Variants in CDH7 observed in about 807,000 individuals in gnomAD.
CDH7 encodes cadherin-7.
Under a neutral mutation model 71.8 loss-of-function variants are expected in CDH7, and 25 were observed. The ratio of observed to expected loss-of-function variants is 0.35; its 90% CI spans 0.25 to 0.49. The LOEUF is 0.49. Among genes scored for constraint, CDH7 ranks in the 20% least tolerant of loss-of-function variants. The probability of loss-of-function intolerance (pLI) is 0.99; values close to 1 mark genes in which losing one functional copy is unlikely to be tolerated. For synonymous variants in CDH7, 381 were observed against 363.8 expected (o/e 1.05, Z -0.54); for missense variants, 862 against 974.6 (o/e 0.88, Z 1.54).
intron 2 of CDH7, among the ~76,000 whole-genome samples, chr18:65,776,198 G>T (rs1237574847): frequency 6.6e-6 from 1 of 151,842 alleles, no homozygotes; most frequent in Non-Finnish European, 1.5e-5. Flanking sequence ...CATTACCTGG[G>T]ACCACAGGTG....
rs1491448662 is a variant in CDH7, at chr18:65,782,010, CTT to C, written c.210+18960_210+18961del. 1.4e-4 allele frequency among the ~76,000 whole-genome samples: 13 copies of C among 93,238 alleles called. 1 individual carries two copies. The highest frequency in any genetic ancestry group is 8.9e-4 in the African/African-American group (12 of 13,550). The allele number at this position is 93,238 out of a possible 152,430, so 61.2% of individuals were successfully genotyped here. ...TCTTTCTCTCTTTCTCTCTTTCTCTCTTTCTCTCTCTCTTTCTCCCTTCCTTC... is the reference window on the plus strand; with the variant it reads ...TCTTTCTCTCTTTCTCTCTTTCTCTCTCTCTCTCTCTTTCTCCCTTCCTTC... On this transcript the variant is annotated intron_variant, in intron 2 of 11. Transcript: ENST00000397968.
chr18:65,854,313 A>AATAC (rs1336911066), intron 7 of CDH7, among the ~76,000 whole-genome samples: 2 of 151,190 alleles, frequency 1.3e-5, no homozygotes, highest in African/African-American at 4.9e-5. Context: ...TAAATAAATA[A>AATAC]ATATATCTAC....
intron 2 of CDH7, among the ~76,000 whole-genome samples, chr18:65,768,794 T>C (rs1434415763): frequency 6.6e-6 from 1 of 152,180 alleles, no homozygotes; most frequent in East Asian, 1.9e-4. Context: ...CATCGTTTTG[T>C]ATGATTTATA....
chr18:65,784,113 A>ATTTTTTTTTTTTTTTTTTTTTT (rs72393865), intron 2 of CDH7, among the ~76,000 whole-genome samples: 1 of 106,812 alleles, frequency 9.4e-6, no homozygotes, highest in Non-Finnish European at 1.8e-5. Flanking sequence ...ACCCACAGCT[A>ATTTTTTTTTTTTTTTTTTTTTT]TTTTTTTTTT....
chr18:65,819,431 G>A (rs1414193502), intron 4 of CDH7, among the ~76,000 whole-genome samples: 1 of 152,084 alleles, frequency 6.6e-6, no homozygotes, highest in Non-Finnish European at 1.5e-5. Context: ...ATTCTTTCTT[G>A]GGCAAAGCCA....
chr18:65,806,807 A>G (rs142714790), intron 2 of CDH7, among the ~76,000 whole-genome samples: 1 of 152,280 alleles, frequency 6.6e-6, no homozygotes, highest in African/African-American at 2.4e-5. Flanking sequence ...GTTTTTTACT[A>G]AGAGTGTGGA....
chr18:65,859,800 C>T lies in CDH7; in HGVS notation c.1587C>T (p.His529=). The T allele has an allele frequency of 1.2e-6, 2 of 1,600,592 alleles. No individual in the cohort carries two copies. Among genetic ancestry groups the T allele is most frequent in the Non-Finnish European group, 1.7e-6 (2 of 1,167,880 alleles). Residue 529 remains histidine (H), a synonymous_variant, in exon 10 of 12, where the codon CAC becomes CAT. Transcript: ENST00000397968. ...TAACAACGGATGCAACAAATAACCA[C>T]AACTTTTCATTGAAAGATAACAAAG... ...FSLTTDATNN[H]NFSLKDNKDN... is the part of the protein sequence containing the mutation.
chr18:65,861,993 T>C (rs1160738338), intron 10 of CDH7, among the ~76,000 whole-genome samples: 1 of 152,142 alleles, frequency 6.6e-6, no homozygotes, highest in Admixed American at 6.5e-5. Context: ...TATAGACTTA[T>C]TGATCACTTG....
intron 6 of CDH7, among the ~76,000 whole-genome samples, chr18:65,840,247 G>T (rs1432470208): frequency 6.6e-6 from 1 of 152,072 alleles, no homozygotes; most frequent in Non-Finnish European, 1.5e-5. Context: ...CACCAAAAAA[G>T]CTGCTTCTCT....
intron 6 of CDH7, among the ~76,000 whole-genome samples, chr18:65,827,452 C>A (rs1912174380): frequency 6.6e-6 from 1 of 151,748 alleles, no homozygotes; most frequent in African/African-American, 2.4e-5. Context: ...GACTATCTAG[C>A]TATCAAAGGT....
chr18:65,835,008 A>G (rs11662502), intron 6 of CDH7, among the ~76,000 whole-genome samples: 148,113 of 152,226 alleles, frequency 0.97, 72,175 homozygotes, highest in East Asian at 1. Flanking sequence ...TTTTATGCTG[A>G]TCTTAAGTGG....
intron 2 of CDH7, among the ~76,000 whole-genome samples, chr18:65,776,334 C>T (rs1909937796): frequency 6.8e-6 from 1 of 146,084 alleles, no homozygotes; most frequent in South Asian, 2.3e-4. Flanking sequence ...GACAGCTTTT[C>T]AAATCACACA....
rs913576250 is a variant in CDH7 at position 65,858,855 on chromosome 18, TC to T, written c.1373-69del. 56 of 1,467,838 alleles carry T rather than the reference TC, an allele frequency of 3.8e-5. No individual in the cohort carries two copies. In the African/African-American group the frequency reaches 7.3e-4, roughly 19 times the overall value. 90.9% of individuals were successfully genotyped at this position (1,467,838 alleles called of 1,614,324 possible). On this transcript the variant is annotated intron_variant, in intron 8 of 11. Coordinates refer to ENST00000397968, the MANE Select transcript of CDH7 (RefSeq NM_004361.5). ...ATTCTAGATTTCATTCTCAGCTTCG[TC>T]ATTTTATTATTAGAATTGTGCTTTA... is the stretch of plus-strand genomic sequence containing the variant.
intron 2 of CDH7, among the ~76,000 whole-genome samples, chr18:65,766,982 G>A (rs1232240845): frequency 1.4e-5 from 2 of 143,128 alleles, no homozygotes; most frequent in Non-Finnish European, 3.0e-5. Context: ...TTTCCTAACC[G>A]TAATGGGATG....
chr18:65,784,614 T>G (rs920454528), intron 2 of CDH7, among the ~76,000 whole-genome samples: 3 of 152,180 alleles, frequency 2.0e-5, no homozygotes, highest in Non-Finnish European at 4.4e-5. Flanking sequence ...CCTCTTTATG[T>G]CTACTGTAGA....
intron 1 of CDH7, among the ~76,000 whole-genome samples, chr18:65,754,289 A>T (rs1383376980): frequency 6.6e-6 from 1 of 152,162 alleles, no homozygotes; most frequent in Non-Finnish European, 1.5e-5. Context: ...CCAGATGCAC[A>T]CTACAGGCTG....
chr18:65,825,755 T>G (rs1025462052), intron 6 of CDH7, among the ~76,000 whole-genome samples: 1 of 151,874 alleles, frequency 6.6e-6, no homozygotes, highest in Non-Finnish European at 1.5e-5. Context: ...TTCAGGCCAA[T>G]GAGAAAAACA....
At chr18:65,802,374 G>T (rs1911154645) in intron 2 of CDH7, among the ~76,000 whole-genome samples, 1 of 152,144 alleles carries the variant, frequency 6.6e-6, no homozygotes, top group Non-Finnish European at 1.5e-5. Context: ...ATTATTTGGT[G>T]AGCTGACTAT....
chr18:65,861,892 CATAA>C (rs974185401), intron 10 of CDH7, among the ~76,000 whole-genome samples: 4 of 151,922 alleles, frequency 2.6e-5, no homozygotes, highest in African/African-American at 9.6e-5. Flanking sequence ...TAAAAAATCT[CATAA>C]ATACTCTTAT....
Sources: allele counts gnomAD v4.1 joint callset (sites outside exome capture counted in the v4.1 genomes callset), GRCh38; gene constraint gnomAD v4.1.1; transcripts MANE v1.5; gene names NCBI Gene and HGNC (gene_info 2026-07-23, HGNC 2026-07-21).